SOX5: variants seen among roughly 807,000 people sequenced by gnomAD.
SOX5 encodes the protein transcription factor SOX-5.
In SOX5, 9 loss-of-function variants were observed where a neutral mutation model predicts 92.0. That is an observed-to-expected ratio of 0.10 (90% CI 0.06 to 0.17). SOX5 has a LOEUF of 0.17. Among genes scored for constraint, SOX5 ranks in the 10% least tolerant of loss-of-function variants. SOX5 has a pLI of 1.00. For missense variants in SOX5, 642 were observed against 944.5 expected, an observed-to-expected ratio of 0.68 and a Z score of 4.20; for synonymous variants, 344 against 336.3, an observed-to-expected ratio of 1.02 and a Z score of -0.25.
chr12:23,807,802 C>A (rs1382518151), intron 3 of SOX5, among the ~76,000 whole-genome samples: 1 of 151,930 alleles, frequency 6.6e-6, no homozygotes, highest in Non-Finnish European at 1.5e-5. Context: ...TGCCCACCAC[C>A]ATGCCCGGCT....
chr12:23,970,826 T>TATATATATATATATATATATATA (rs1392995616), intron 4 of SOX5, among the ~76,000 whole-genome samples: 4 of 25,772 alleles, frequency 1.6e-4, no homozygotes, highest in East Asian at 1.6e-3. Context: ...ACATGGGACT[T>TATATATATATATATATATATATA]TATATATATA....
intron 8 of SOX5, among the ~76,000 whole-genome samples, chr12:23,622,264 A>G (rs2077269099): frequency 6.6e-6 from 1 of 151,918 alleles, no homozygotes; most frequent in South Asian, 2.1e-4. Context: ...GTATATTTTC[A>G]TTTTATGACT....
At chr12:23,652,826 C>T (rs181697409) in intron 7 of SOX5, among the ~76,000 whole-genome samples, 9 of 152,166 alleles carry the variant, frequency 5.9e-5, no homozygotes, top group East Asian at 1.9e-4. Context: ...TAACGAAATT[C>T]GTTCTCTCTC....
intron 4 of SOX5, among the ~76,000 whole-genome samples, chr12:24,011,114 A>G (rs537280620): frequency 6.6e-6 from 1 of 152,352 alleles, no homozygotes; most frequent in South Asian, 2.1e-4. Flanking sequence ...TGATACAGCA[A>G]TAAACTGAAG....
intron 4 of SOX5, among the ~76,000 whole-genome samples, chr12:24,168,043 G>A (rs564980043): frequency 1.9e-4 from 29 of 152,318 alleles, no homozygotes; most frequent in Admixed American, 6.5e-4. Context: ...TTTCAAAGAA[G>A]GGAAGGCAAG....
In SOX5 at chr12:23,604,400, G is replaced by T; in HGVS notation, c.1151C>A (p.Pro384Gln). The T allele has an allele frequency of 6.2e-7, 1 of 1,613,578 alleles. No homozygotes were observed. The highest frequency in any genetic ancestry group is 8.5e-7 in the Non-Finnish European group (1 of 1,179,672). Reference protein sequence around the residue: ...IHTDKSTNSPPPKSKDEVAQP... With the variant: ...IHTDKSTNSPQPKSKDEVAQP... Reference sequence around the variant, plus strand: ...TCAAAAGGGTACCTTGCTTTTGGGTGGTGGGCTGTTTGTGCTCTTGTCTGT... The same window carrying T: ...TCAAAAGGGTACCTTGCTTTTGGGTTGTGGGCTGTTTGTGCTCTTGTCTGT... Residue 384 changes from proline (P) to glutamine (Q), a missense_variant, in exon 9 of 15, where the codon CCA becomes CAA. By Grantham distance (76) the Pro-to-Gln change is moderately conservative (BLOSUM62 -1). This residue lies in a region of SOX5 where 324 missense variants were observed against 461.6 expected (regional missense o/e 0.70). Transcript: ENST00000451604.
chr12:23,575,606 T>A, intron 10 of SOX5, 55 bp downstream of exon 10: 1 of 1,532,422 alleles, frequency 6.5e-7, no homozygotes, highest in South Asian at 1.1e-5. Context: ...TAAAGATGAT[T>A]CCATTCAATA....
At chr12:23,820,912 T>C (rs1316809681) in intron 3 of SOX5, among the ~76,000 whole-genome samples, 1 of 152,212 alleles carries the variant, frequency 6.6e-6, no homozygotes, top group Non-Finnish European at 1.5e-5. Flanking sequence ...ATGGGCTCTT[T>C]TTGAGTTCCA....
intron 4 of SOX5, among the ~76,000 whole-genome samples, chr12:23,960,846 T>A (rs921836939): frequency 1.4e-4 from 21 of 151,940 alleles, no homozygotes; most frequent in African/African-American, 4.6e-4. Context: ...ATTAAAATGG[T>A]TATAATGGTG....
intron 9 of SOX5, among the ~76,000 whole-genome samples, chr12:23,598,424 A>T (rs2137323383): frequency 9.8e-6 from 1 of 101,754 alleles, no homozygotes; most frequent in South Asian, 3.3e-4. Context: ...TTTGACATGG[A>T]GTCTCCCTCT....
At chr12:23,967,792 G>C (rs1947769275) in intron 4 of SOX5, among the ~76,000 whole-genome samples, 1 of 152,136 alleles carries the variant, frequency 6.6e-6, no homozygotes. Flanking sequence ...AGTTTTTCCT[G>C]TCTGTATCCT....
intron 2 of SOX5, among the ~76,000 whole-genome samples, chr12:24,287,913 C>T (rs1785093763): frequency 1.3e-5 from 2 of 152,078 alleles, no homozygotes; most frequent in South Asian, 4.1e-4. Context: ...GTACTGCCCT[C>T]CGTACTCTAT....
At chr12:24,313,655 G>A (rs772500651) in intron 2 of SOX5, among the ~76,000 whole-genome samples, 13 of 152,204 alleles carry the variant, frequency 8.5e-5, no homozygotes, top group Non-Finnish European at 1.3e-4. Flanking sequence ...TACTTTGTGC[G>A]TATTTCCACT....
chr12:24,237,309 C>T (rs1403693585), intron 3 of SOX5, among the ~76,000 whole-genome samples: 2 of 152,136 alleles, frequency 1.3e-5, no homozygotes, highest in African/African-American at 4.8e-5. Context: ...CACTAGGATA[C>T]TCCAATATCC....
intron 3 of SOX5, among the ~76,000 whole-genome samples, chr12:23,765,393 A>C (rs1358037041): frequency 6.7e-6 from 1 of 148,294 alleles, no homozygotes; most frequent in Admixed American, 6.7e-5. Flanking sequence ...AGCAAAAAAA[A>C]AAAAAAAAAA....
At chr12:23,909,103 G>A (rs1445563856) in intron 1 of SOX5, among the ~76,000 whole-genome samples, 2 of 152,090 alleles carry the variant, frequency 1.3e-5, no homozygotes, top group African/African-American at 2.4e-5. Context: ...CTCCAGCAAT[G>A]GTATGACAAG....
chr12:23,668,430 T>C (rs1276950289), intron 6 of SOX5, among the ~76,000 whole-genome samples: 18 of 152,166 alleles, frequency 1.2e-4, no homozygotes, highest in Admixed American at 1.2e-3. Flanking sequence ...TATATCTTGA[T>C]GGATTTTCAC....
At chr12:23,729,534 A>G (rs1204365989) in intron 6 of SOX5, among the ~76,000 whole-genome samples, 1 of 152,186 alleles carries the variant, frequency 6.6e-6, no homozygotes, top group Non-Finnish European at 1.5e-5. Context: ...TCCTGACAGA[A>G]TCAGTGACCC....
chr12:23,891,352 C>A (rs4439603), intron 2 of SOX5, among the ~76,000 whole-genome samples: 28,123 of 152,142 alleles, frequency 0.18, 3,859 homozygotes, highest in East Asian at 0.7. Context: ...AAGCATCCTA[C>A]TTCCTCAAAG....
Sources: gnomAD v4.1 joint callset for allele counts (sites outside exome capture counted in the v4.1 genomes callset) on GRCh38, gnomAD v4.1.1 for gene constraint, gnomAD v4.1.1 regional missense constraint, MANE v1.5 for transcripts, NCBI Gene and HGNC (gene_info 2026-07-23, HGNC 2026-07-21) for gene names.